Variants in MACROD2 observed in about 807,000 individuals in gnomAD.
MACROD2 encodes ADP-ribose glycohydrolase MACROD2.
In MACROD2, 36 loss-of-function variants were observed where a neutral mutation model predicts 70.4. The observed-to-expected ratio is 0.51, with a 90% confidence interval of 0.39 to 0.68. The LOEUF is 0.68. MACROD2 is among the 30% of genes least tolerant of loss of function. The pLI is 0.00. For missense variants in MACROD2, 496 were observed against 538.4 expected, an observed-to-expected ratio of 0.92 and a Z score of 0.78; for synonymous variants, 172 against 178.8, an observed-to-expected ratio of 0.96 and a Z score of 0.30.
intron 3 of MACROD2, among the ~76,000 whole-genome samples, chr20:14,338,735 A>G (rs934978436): frequency 6.6e-6 from 1 of 152,210 alleles, no homozygotes; most frequent in Non-Finnish European, 1.5e-5. Context: ...TAATTTAGGT[A>G]CATGAATAAA....
At chr20:14,848,678 T>C (rs6110451) in intron 5 of MACROD2, among the ~76,000 whole-genome samples, 4,160 of 152,252 alleles carry the variant, frequency 0.027, 194 homozygotes, top group African/African-American at 0.094. Context: ...ATCATAATAA[T>C]TTCGATATAT....
chr20:14,017,212 T>A (rs1265854778), intron 2 of MACROD2, among the ~76,000 whole-genome samples: 3 of 152,258 alleles, frequency 2.0e-5, no homozygotes, highest in African/African-American at 7.2e-5. Flanking sequence ...AGCTTTGATG[T>A]ATTCAAGCTA....
At chr20:15,837,061 A>G (rs563873053) in intron 8 of MACROD2, among the ~76,000 whole-genome samples, 4 of 152,268 alleles carry the variant, frequency 2.6e-5, no homozygotes, top group African/African-American at 9.6e-5. Flanking sequence ...CAGCACACAT[A>G]TGTACTTGGT....
At chr20:15,866,080 AT>A (rs2064489284) in intron 9 of MACROD2, among the ~76,000 whole-genome samples, 1 of 152,184 alleles carries the variant, frequency 6.6e-6, no homozygotes. Flanking sequence ...AGGTGACAGG[AT>A]ACAACTGGGT....
At chr20:15,400,325 T>A (rs941366712) in intron 6 of MACROD2, among the ~76,000 whole-genome samples, 1 of 152,196 alleles carries the variant, frequency 6.6e-6, no homozygotes, top group Non-Finnish European at 1.5e-5. Flanking sequence ...TCTTCCTTAG[T>A]GTGGCTCAGC....
intron 6 of MACROD2, among the ~76,000 whole-genome samples, chr20:15,407,544 T>A (rs1965392917): frequency 1.3e-5 from 2 of 152,170 alleles, no homozygotes; most frequent in South Asian, 2.1e-4. Flanking sequence ...AGGACAGTGT[T>A]AAGGAGGCTA....
intron 3 of MACROD2, among the ~76,000 whole-genome samples, chr20:14,455,135 A>G (rs769788066): frequency 1.3e-5 from 2 of 151,852 alleles, no homozygotes; most frequent in African/African-American, 4.9e-5. Flanking sequence ...TACTCCCTCA[A>G]GAGGTGTCCA....
chr20:15,401,656 A>G (rs547431771), intron 6 of MACROD2, among the ~76,000 whole-genome samples: 2 of 152,372 alleles, frequency 1.3e-5, no homozygotes, highest in Non-Finnish European at 2.9e-5. Context: ...AAATTATTAA[A>G]CAATTGTAAA....
chr20:14,180,121 A>G (rs1351251267), intron 3 of MACROD2, among the ~76,000 whole-genome samples: 2 of 152,006 alleles, frequency 1.3e-5, no homozygotes, highest in Non-Finnish European at 2.9e-5. Context: ...TCTGCTTTCT[A>G]TCTCTATGGA....
At chr20:15,159,583 C>T (rs2076333419) in intron 5 of MACROD2, among the ~76,000 whole-genome samples, 1 of 151,782 alleles carries the variant, frequency 6.6e-6, no homozygotes, top group Non-Finnish European at 1.5e-5. Context: ...AAGGAGCAGA[C>T]AATCATTTAT....
chr20:14,921,292 CTTG>C (rs1568876292), intron 5 of MACROD2, among the ~76,000 whole-genome samples: 3 of 152,140 alleles, frequency 2.0e-5, no homozygotes, highest in African/African-American at 7.2e-5. Flanking sequence ...GCATCCAACA[CTTG>C]TTGGCCATGG....
At chr20:14,060,585 A>G (rs1021887887) in intron 2 of MACROD2, among the ~76,000 whole-genome samples, 3 of 152,174 alleles carry the variant, frequency 2.0e-5, no homozygotes, top group African/African-American at 4.8e-5. Flanking sequence ...CAGTGAAATC[A>G]TTTGAGACCT....
intron 3 of MACROD2, among the ~76,000 whole-genome samples, chr20:14,226,764 G>T (rs1383801961): frequency 6.6e-6 from 1 of 152,224 alleles, no homozygotes; most frequent in African/African-American, 2.4e-5. Flanking sequence ...CTCGGGACCT[G>T]CAGCCCGCCA....
rs974333402 is a variant in MACROD2 at position 14,180,539 on chromosome 20, C to T, written c.271+94811C>T. 1.9e-4 allele frequency among the ~76,000 whole-genome samples: 29 copies of T among 152,064 alleles called. 1 individual carries two copies. Among genetic ancestry groups the T allele is most frequent in the East Asian group, 7.7e-4 (4 of 5,176 alleles). On this transcript the variant is annotated intron_variant, in intron 3 of 17. Transcript: ENST00000684519. ...CAGTTTTCTTTTTTAAAAACTTATA[C>T]GAATTTTTTAAATTGCCTGAGGTGT...
intron 3 of MACROD2, among the ~76,000 whole-genome samples, chr20:14,472,888 G>A (rs1234766782): frequency 6.6e-6 from 1 of 152,168 alleles, no homozygotes; most frequent in Non-Finnish European, 1.5e-5. Context: ...GTAGGTGTGA[G>A]TGTGGGACTG....
At chr20:15,710,216 ATT>A (rs2050606532) in intron 8 of MACROD2, among the ~76,000 whole-genome samples, 1 of 149,364 alleles carries the variant, frequency 6.7e-6, no homozygotes, top group Non-Finnish European at 1.5e-5. Flanking sequence ...AAAAAAAACA[ATT>A]GCGGGTAAGG....
chr20:15,687,946 C>G (rs139594284), intron 8 of MACROD2, among the ~76,000 whole-genome samples: 1 of 152,258 alleles, frequency 6.6e-6, no homozygotes, highest in Non-Finnish European at 1.5e-5. Flanking sequence ...TCCTTTCTCT[C>G]AACTTACTGT....
chr20:15,373,588 C>G (rs182519925), intron 6 of MACROD2, among the ~76,000 whole-genome samples: 1 of 152,054 alleles, frequency 6.6e-6, no homozygotes, highest in Admixed American at 6.6e-5. Flanking sequence ...TTTTTAGTAG[C>G]AATGGGGTCT....
intron 8 of MACROD2, among the ~76,000 whole-genome samples, chr20:15,716,093 A>T (rs1166995224): frequency 3.9e-5 from 6 of 152,206 alleles, no homozygotes; most frequent in Non-Finnish European, 7.3e-5. Context: ...TTCATTACAG[A>T]TACTGCAAGA....
Sources: gnomAD v4.1 joint callset for allele counts (sites outside exome capture counted in the v4.1 genomes callset) on GRCh38, gnomAD v4.1.1 for gene constraint, MANE v1.5 for transcripts, NCBI Gene and HGNC (gene_info 2026-07-23, HGNC 2026-07-21) for gene names.